PTAR1: variants seen among roughly 807,000 people sequenced by gnomAD.
PTAR1 encodes protein prenyltransferase alpha subunit repeat containing 1.
Under a neutral mutation model 45.5 loss-of-function variants are expected in PTAR1, and 17 were observed. That is an observed-to-expected ratio of 0.37 (90% CI 0.26 to 0.56). PTAR1 has a LOEUF of 0.56. Ranked by LOEUF, PTAR1 falls within the 20% of genes least tolerant of loss-of-function variation. The probability of loss-of-function intolerance (pLI) is 0.77; values close to 1 mark genes in which losing one functional copy is unlikely to be tolerated. For missense variants in PTAR1, 391 were observed against 476.3 expected (o/e 0.82, Z 1.67); for synonymous variants, 169 against 171.3 (o/e 0.99, Z 0.11).
At chr9:69,748,025 G>T (rs1313620993) in intron 2 of PTAR1, among the ~76,000 whole-genome samples, 1 of 152,164 alleles carries the variant, frequency 6.6e-6, no homozygotes, top group Non-Finnish European at 1.5e-5. Flanking sequence ...GTTCAAGCGT[G>T]TCTGAAATGA....
rs1825152126 is a variant in PTAR1, at chr9:69,724,076, CT to C, written c.643-447del. 2.0e-5 allele frequency among the ~76,000 whole-genome samples: 3 copies of C among 152,182 alleles called. No individual in the cohort carries two copies. In the South Asian group the frequency reaches 6.2e-4, roughly 32 times the overall value. On this transcript the variant is annotated intron_variant, in intron 5 of 7. Transcript: ENST00000340434. ...GTGTATAATATGTAACTTATTATCT[CT>C]ACAATAGGCTCAGTGAAATTATTTG...
rs988288115 is a variant in PTAR1 at position 69,713,246 on chromosome 9, G to A, written c.*5096C>T. On this transcript the variant is annotated 3_prime_UTR_variant, in exon 8 of 8. Transcript: ENST00000340434. Reference sequence around the variant, plus strand: ...TTACAGTGTTAACATGGCCTGGTGAGAGTAGAGAAGTCAAAGTTGGGAGCC... The same window carrying A: ...TTACAGTGTTAACATGGCCTGGTGAAAGTAGAGAAGTCAAAGTTGGGAGCC... 1 of 152,126 alleles carries A rather than the reference G, an allele frequency of 6.6e-6. No homozygotes were observed. Among genetic ancestry groups the A allele is most frequent in the Non-Finnish European group, 1.5e-5 (1 of 68,020 alleles). 9.4% of individuals were successfully genotyped at this position (152,126 alleles called of 1,614,324 possible). A position where few individuals can be genotyped will look rare whatever the true frequency, so the allele number is the denominator to read the frequency against.
chr9:69,733,367 G>A (rs888313552), intron 4 of PTAR1, among the ~76,000 whole-genome samples: 5 of 152,052 alleles, frequency 3.3e-5, no homozygotes, highest in Non-Finnish European at 4.4e-5. Flanking sequence ...CACCTGGAAC[G>A]GACATAAGAT....
intron 2 of PTAR1, among the ~76,000 whole-genome samples, chr9:69,747,117 G>A: frequency 6.6e-6 from 1 of 152,166 alleles, no homozygotes; most frequent in East Asian, 1.9e-4. Context: ...TTTGACAAAT[G>A]TCTGTTGAAC....
chr9:69,726,065 A>G (rs1199931947), intron 5 of PTAR1, among the ~76,000 whole-genome samples: 2 of 152,176 alleles, frequency 1.3e-5, no homozygotes, highest in Admixed American at 1.3e-4. Flanking sequence ...TTAAACTTTT[A>G]AAAATAGTAT....
At position 69,711,607 on chromosome 9, in the gene PTAR1, A is replaced by G. The variant is rs554808936; in HGVS notation, c.*6735T>C. 1 of 152,322 alleles carries G rather than the reference A, an allele frequency of 6.6e-6. No homozygotes were observed. The highest frequency in any genetic ancestry group is 1.9e-4 in the East Asian group (1 of 5,182). The allele number at this position is 152,322 out of a possible 1,614,324, so 9.4% of individuals were successfully genotyped here. On this transcript the variant is annotated 3_prime_UTR_variant, in exon 8 of 8. Transcript: ENST00000340434. ...GAACCTAAACCCGATAGTACTGGAT[A>G]TACCAATACAGAGACTGATTGCAGA... is the stretch of plus-strand genomic sequence containing the variant.
At chr9:69,738,675 CT>C (rs1233721099) in intron 3 of PTAR1, among the ~76,000 whole-genome samples, 1 of 152,090 alleles carries the variant, frequency 6.6e-6, no homozygotes, top group African/African-American at 2.4e-5. Context: ...CCAAGCTCAT[CT>C]TGTATACTTC....
In PTAR1 at chr9:69,716,438, G is replaced by A. The variant is rs1289131974; in HGVS notation, c.*1904C>T. The stretch of plus-strand genomic sequence containing the variant: ...AAAGGTAATTTTTTACTTGAGAGAA[G>A]AACAAATTCTGTCTACTGGGGCCAG... On this transcript the variant is annotated 3_prime_UTR_variant, in exon 8 of 8. Coordinates refer to ENST00000340434, the MANE Select transcript of PTAR1 (RefSeq NM_001099666.2). The A allele has an allele frequency of 6.6e-6, 1 of 151,996 alleles. No homozygotes were observed. Among genetic ancestry groups the A allele is most frequent in the Non-Finnish European group, 1.5e-5 (1 of 67,980 alleles). The allele number at this position is 151,996 out of a possible 1,614,324, so 9.4% of individuals were successfully genotyped here.
chr9:69,759,118 G>C (rs1310007616), intron 1 of PTAR1, among the ~76,000 whole-genome samples: 1 of 152,166 alleles, frequency 6.6e-6, no homozygotes, highest in Non-Finnish European at 1.5e-5. Context: ...AAATGGAAGA[G>C]ATACATATGT....
chr9:69,741,531 T>C (rs374820173), intron 3 of PTAR1: 5 of 390,856 alleles, frequency 1.3e-5, no homozygotes, highest in African/African-American at 1.0e-4. Flanking sequence ...CCCCAAAAAA[T>C]GAAGGAAAAT....
chr9:69,755,648 C>CG (rs1826743634), intron 1 of PTAR1, among the ~76,000 whole-genome samples: 1 of 151,986 alleles, frequency 6.6e-6, no homozygotes, highest in African/African-American at 2.4e-5. Flanking sequence ...GCTCCCACCC[C>CG]CCAAAAGAAC....
At chr9:69,727,418 T>C (rs999127459) in intron 5 of PTAR1, among the ~76,000 whole-genome samples, 1 of 152,114 alleles carries the variant, frequency 6.6e-6, no homozygotes, top group African/African-American at 2.4e-5. Flanking sequence ...TATTTATCCT[T>C]CTGCGCTTGG....
At chr9:69,731,873 A>G (rs888093463) in intron 5 of PTAR1, 2 of 468,982 alleles carry the variant, frequency 4.3e-6, no homozygotes, top group Non-Finnish European at 7.6e-6. Flanking sequence ...GGATAAAGTG[A>G]GTTATGCTCA....
chr9:69,729,819 T>G (rs1166689805), intron 5 of PTAR1, among the ~76,000 whole-genome samples: 1 of 152,226 alleles, frequency 6.6e-6, no homozygotes, highest in East Asian at 1.9e-4. Context: ...GATGAATTCC[T>G]GGAAGCAGAA....
At chr9:69,734,108 C>A (rs1351888083) in intron 4 of PTAR1, 42 bp downstream of exon 4, 4 of 1,095,720 alleles carry the variant, frequency 3.7e-6, no homozygotes, top group African/African-American at 3.1e-5. Context: ...TCCAGCCAGT[C>A]TGAATCCTAA....
At chr9:69,744,531 G>C (rs540298975) in intron 2 of PTAR1, among the ~76,000 whole-genome samples, 1 of 151,860 alleles carries the variant, frequency 6.6e-6, no homozygotes, top group Non-Finnish European at 1.5e-5. Context: ...GACTACAGGC[G>C]CGTGCTACCA....
intron 5 of PTAR1, among the ~76,000 whole-genome samples, chr9:69,724,972 G>GC (rs1825197976): frequency 6.6e-6 from 1 of 152,082 alleles, no homozygotes. Context: ...GCTATAGCTG[G>GC]CAAGTATCTG....
At chr9:69,759,737 A>T in intron 1 of PTAR1, 116 bp downstream of exon 1, 1 of 1,035,098 alleles carries the variant, frequency 9.7e-7, no homozygotes, top group Non-Finnish European at 1.3e-6. Flanking sequence ...TCCTCCCTAG[A>T]AGGGCTCGTG....
At chr9:69,722,672 C>T (rs1825070666) in intron 6 of PTAR1, among the ~76,000 whole-genome samples, 3 of 150,994 alleles carry the variant, frequency 2.0e-5, no homozygotes, top group Admixed American at 2.0e-4. Flanking sequence ...GGCATGGTGG[C>T]TCACACCTGT....
Sources: gnomAD v4.1 joint callset for allele counts (sites outside exome capture counted in the v4.1 genomes callset) on GRCh38, gnomAD v4.1.1 for gene constraint, MANE v1.5 for transcripts, NCBI Gene and HGNC (gene_info 2026-07-23, HGNC 2026-07-21) for gene names.